Variants in EPS15L1 observed in about 807,000 individuals in gnomAD.
EPS15L1 encodes epidermal growth factor receptor substrate 15-like 1.
A neutral mutation model predicts 117.1 loss-of-function variants in EPS15L1; 43 were observed. The observed-to-expected ratio is 0.37, with a 90% CI of 0.29 to 0.47. The LOEUF (loss-of-function observed/expected upper bound fraction) is 0.47, where lower values mean the gene tolerates loss of function less well. Among genes scored for constraint, EPS15L1 ranks in the 20% least tolerant of loss-of-function variants. The pLI, the probability that EPS15L1 is intolerant of heterozygous loss-of-function variation, is 0.99. For synonymous variants in EPS15L1, 459 were observed against 470.5 expected (o/e 0.98, Z 0.32); for missense variants, 981 against 1,164.0 (o/e 0.84, Z 2.29).
At chr19:16,391,937 TG>T (rs113915959) in intron 19 of EPS15L1, among the ~76,000 whole-genome samples, 7 of 151,908 alleles carry the variant, frequency 4.6e-5, no homozygotes, top group African/African-American at 1.7e-4. Context: ...GTGGTGCTTG[TG>T]TGATTTAGTC....
chr19:16,440,766 C>T lies in EPS15L1; in HGVS notation c.213+96G>A, dbSNP rs752557108. The T allele has an allele frequency of 3.6e-6, 4 of 1,106,352 alleles. No individual in the cohort carries two copies. In the African/African-American group the frequency reaches 4.6e-5, roughly 13 times the overall value. The allele number at this position is 1,106,352 out of a possible 1,614,324, so 68.5% of individuals were successfully genotyped here. A position where few individuals can be genotyped will look rare whatever the true frequency, so the allele number is the denominator to read the frequency against. ...ACAGCCGTGCTCATGCCTAGTAATA[C>T]TTGACAGTGGAGGAATGTGGAAGGA... On this transcript the variant is annotated intron_variant, in intron 4 of 23. Transcript: ENST00000455140.
chr19:16,393,980 G>A lies in EPS15L1; in HGVS notation c.1937C>T (p.Pro646Leu), dbSNP rs764120479. Residue 646 changes from proline (P) to leucine (L), a missense_variant, in exon 18 of 24, where the codon CCC (proline) becomes CTC (leucine). By Grantham distance (98) the Pro-to-Leu change is moderately conservative. Around this residue, in one of 5 missense-constraint regions of EPS15L1, gnomAD observed 819 missense variants for 949.0 expected, o/e 0.86. Coordinates refer to ENST00000455140, the MANE Select transcript of EPS15L1 (RefSeq NM_001258374.3). ...TGAAGTTGTCTGCTGTTCTGCAAAG[G>A]GGTCATTCTGGAACGGGTCGCCTGG... The part of the protein sequence containing the change: ...PFKGDPFQND[P>L]FAEQQTTSTD... The A allele has an allele frequency of 1.4e-5, 22 of 1,613,968 alleles. No individual in the cohort carries two copies. Among genetic ancestry groups the A allele is most frequent in the Non-Finnish European group, 1.7e-5 (20 of 1,179,980 alleles).
intron 7 of EPS15L1, among the ~76,000 whole-genome samples, chr19:16,429,277 G>A (rs1468862291): frequency 6.6e-6 from 1 of 152,178 alleles, no homozygotes; most frequent in Non-Finnish European, 1.5e-5. Context: ...GAGAAGGCAG[G>A]CAGGCGTGGG....
rs956628331 is a variant in EPS15L1, at chr19:16,355,778, C to T, written c.2660G>A (p.Arg887Gln). The change falls in exon 24 of 24, where the codon CGG (arginine) becomes CAG (glutamine). Residue 887 changes from arginine (R) to glutamine (Q), a missense_variant. Around this residue, in one of 5 missense-constraint regions of EPS15L1, gnomAD observed 819 missense variants for 949.0 expected, o/e 0.86. Coordinates refer to ENST00000455140, the MANE Select transcript of EPS15L1 (RefSeq NM_001258374.3). ...GTCCTCCTGCTCCTGCCGCCGCAGC[C>T]GCGCCAGCCTCTCCTGTTCCGCCTT... ...SEKAEQERLA[R>Q]LRRQEQEDLE... 7 of 1,535,984 alleles carry T rather than the reference C, an allele frequency of 4.6e-6. No homozygotes were observed. The highest frequency in any genetic ancestry group is 6.1e-6 in the Non-Finnish European group (7 of 1,146,864).
rs957659478 is a variant in EPS15L1 at position 16,471,924 on chromosome 19, G to C, written c.22C>G (p.Leu8Val). The C allele has an allele frequency of 7.7e-6, 10 of 1,298,582 alleles. No individual in the cohort carries two copies. Among genetic ancestry groups the C allele is most frequent in the African/African-American group, 4.6e-5 (3 of 64,636 alleles). The allele number at this position is 1,298,582 out of a possible 1,614,324, so 80.4% of individuals were successfully genotyped here. A position where few individuals can be genotyped will look rare whatever the true frequency, so the allele number is the denominator to read the frequency against. MAAPLIP[L>V]SQQIPTGNSL... ...CGCCCGGCCCGTACCTGCTGGGAGA[G>C]GGGGATGAGCGGCGCCGCCATCTTC... Residue 8 changes from leucine to valine, a missense_variant, in exon 1 of 24, where the codon CTC becomes GTC. Physicochemically the swap from Leu to Val is conservative, Grantham distance 32. Around this residue, in one of 5 missense-constraint regions of EPS15L1, gnomAD observed 37 missense variants for 21.2 expected, o/e 1.75. Coordinates refer to ENST00000455140, the MANE Select transcript of EPS15L1 (RefSeq NM_001258374.3). The surrounding 1 kb of genome is among the most constrained non-coding windows in gnomAD (Gnocchi z 4.8).
chr19:16,359,588 C>T (rs2092024610), intron 23 of EPS15L1, among the ~76,000 whole-genome samples: 1 of 152,192 alleles, frequency 6.6e-6, no homozygotes. Context: ...AGGCCGGGCA[C>T]AGGGGCTCAT....
At chr19:16,393,665 A>T (rs1247849077) in intron 18 of EPS15L1, among the ~76,000 whole-genome samples, 1 of 149,832 alleles carries the variant, frequency 6.7e-6, no homozygotes, top group Non-Finnish European at 1.5e-5. Context: ...AAAAAAAATA[A>T]AAAATAAATA....
intron 23 of EPS15L1, among the ~76,000 whole-genome samples, chr19:16,358,602 G>A (rs1260346115): frequency 6.6e-6 from 1 of 152,048 alleles, no homozygotes; most frequent in Non-Finnish European, 1.5e-5. Flanking sequence ...ATTTTCAGAA[G>A]CAAATAAGTG....
In EPS15L1 at chr19:16,446,771, G is replaced by A. The variant is rs140910653; in HGVS notation, c.34-4552C>T. Among the ~76,000 whole-genome samples the A allele has an allele frequency of 3.9e-4, 60 of 152,274 alleles. No homozygotes were observed. The East Asian group carries it at 5.6e-3, about 14-fold the overall frequency. On this transcript the variant is annotated intron_variant, in intron 1 of 23. Coordinates refer to ENST00000455140, the MANE Select transcript of EPS15L1 (RefSeq NM_001258374.3). Reference sequence around the variant, plus strand: ...TGGGAAAATGCACGTCCGTGATGACGTGCTGGAGCATTTTATTAAACAGAA... The same window carrying A: ...TGGGAAAATGCACGTCCGTGATGACATGCTGGAGCATTTTATTAAACAGAA...
chr19:16,470,251 G>A lies in EPS15L1; in HGVS notation c.33+1662C>T, dbSNP rs183535583. ...AAAATACAAAAATTAGCCGGGTGTGGTAGCACGTGCCTGTAGTCCCAGCTA... is the reference window on the plus strand; with the variant it reads ...AAAATACAAAAATTAGCCGGGTGTGATAGCACGTGCCTGTAGTCCCAGCTA... On this transcript the variant is annotated intron_variant, in intron 1 of 23. Coordinates refer to ENST00000455140, the MANE Select transcript of EPS15L1 (RefSeq NM_001258374.3). 6.1e-3 allele frequency among the ~76,000 whole-genome samples: 931 copies of A among 152,230 alleles called. 6 individuals are homozygous for A. Among genetic ancestry groups the A allele is most frequent in the African/African-American group, 0.021 (872 of 41,534 alleles).
In EPS15L1 at chr19:16,421,412, G is replaced by A; in HGVS notation, c.857C>T (p.Thr286Ile). 1 of 1,614,126 alleles carries A rather than the reference G, an allele frequency of 6.2e-7. No homozygotes were observed. The highest frequency in any genetic ancestry group is 1.1e-5 in the South Asian group (1 of 91,086). Reference protein sequence around the residue: ...KMRFDEIFLKTDLDLDGYVSG... With the variant: ...KMRFDEIFLKIDLDLDGYVSG... ...CACGTAGCCATCCAGGTCCAGGTCG[G>A]TCTTCAGGAATATCTCATCAAATCG... is the stretch of plus-strand genomic sequence containing the variant. The change falls in exon 10 of 24, where the codon ACC (threonine) becomes ATC (isoleucine). Residue 286 changes from threonine (T) to isoleucine (I), a missense_variant. Physicochemically the swap from Thr to Ile is moderately conservative, Grantham distance 89. This residue lies in a region of EPS15L1 where 819 missense variants were observed against 949.0 expected (regional missense o/e 0.86). Coordinates refer to ENST00000455140, the MANE Select transcript of EPS15L1 (RefSeq NM_001258374.3).
In EPS15L1 at chr19:16,428,734, C is replaced by T. The variant is rs781541123; in HGVS notation, c.526G>A (p.Asp176Asn). The part of the protein sequence containing the change: ...RVWDLSDIDK[D>N]GHLDRDEFAV... ...AACTCATCTCGATCCAAGTGCCCATCCTTGTCAATGTCACTGAGGTCCCAG... is the reference window on the plus strand; with the variant it reads ...AACTCATCTCGATCCAAGTGCCCATTCTTGTCAATGTCACTGAGGTCCCAG... The change falls in exon 8 of 24, where the codon GAT becomes AAT. Residue 176 changes from aspartate (D) to asparagine (N), a missense_variant. Physicochemically the swap from Asp to Asn is conservative, Grantham distance 23. Coordinates refer to ENST00000455140, the MANE Select transcript of EPS15L1 (RefSeq NM_001258374.3). The T allele has an allele frequency of 1.9e-6, 3 of 1,611,484 alleles. No homozygotes were observed. Among genetic ancestry groups the T allele is most frequent in the Non-Finnish European group, 2.5e-6 (3 of 1,179,228 alleles).
At chr19:16,402,865 G>A (rs548303515) in intron 15 of EPS15L1, among the ~76,000 whole-genome samples, 1 of 152,190 alleles carries the variant, frequency 6.6e-6, no homozygotes, top group African/African-American at 2.4e-5. Context: ...GATGACAGGT[G>A]TAAGGCACTG....
chr19:16,450,477 CTTTTTTTTTTTT>C lies in EPS15L1; in HGVS notation c.34-8270_34-8259del, dbSNP rs768287701. On this transcript the variant is annotated intron_variant, in intron 1 of 23. Transcript: ENST00000455140. ...CGTGAGCCCCAGGCATGTCCATCTT[CTTTTTTTTTTTT>C]TTTTTTTTTGAGACGGAGTCTCACT... is the stretch of plus-strand genomic sequence containing the variant. 6.6e-4 allele frequency among the ~76,000 whole-genome samples: 71 copies of C among 108,174 alleles called. No homozygotes were observed. The East Asian group carries it at 0.016, about 24-fold the overall frequency. The allele number at this position is 108,174 out of a possible 152,430, so 71.0% of individuals were successfully genotyped here. A position where few individuals can be genotyped will look rare whatever the true frequency, so the allele number is the denominator to read the frequency against.
chr19:16,471,877 AC>A lies in EPS15L1; in HGVS notation c.33+35del, dbSNP rs1306387408. On this transcript the variant is annotated intron_variant, in intron 1 of 23. Coordinates refer to ENST00000455140, the MANE Select transcript of EPS15L1 (RefSeq NM_001258374.3). The surrounding 1 kb of genome is among the most constrained non-coding windows in gnomAD (Gnocchi z 4.8). ...CCGCACCGCTCGCCTCGCGCCCCGC[AC>A]CCCGGCGCCGCCCCCAGGCCCGCCC... 8.0e-7 allele frequency: 1 copy of A among 1,251,532 alleles called. No individual in the cohort carries two copies. Among genetic ancestry groups the A allele is most frequent in the Non-Finnish European group, 1.0e-6 (1 of 978,474 alleles). The allele number at this position is 1,251,532 out of a possible 1,614,324, so 77.5% of individuals were successfully genotyped here.
At position 16,365,990 on chromosome 19, in the gene EPS15L1, G is replaced by A. The variant is rs768418616; in HGVS notation, c.2381-4006C>T. Among the ~76,000 whole-genome samples, 3 of 152,204 alleles carry A rather than the reference G, an allele frequency of 2.0e-5. No individual in the cohort carries two copies. The highest frequency in any genetic ancestry group is 4.4e-5 in the Non-Finnish European group (3 of 68,038). ...CCTGGGGAGCGAGAAGGGAATAAAG[G>A]CATCTGCCCTTCCTGGTTTGCAGGA... On this transcript the variant is annotated intron_variant, in intron 22 of 23. Transcript: ENST00000455140. The surrounding 1 kb of genome is among the most constrained non-coding windows in gnomAD (Gnocchi z 4.9).
intron 6 of EPS15L1, 65 bp downstream of exon 6, chr19:16,436,872 G>T: frequency 7.7e-7 from 1 of 1,301,494 alleles, no homozygotes; most frequent in South Asian, 1.2e-5. Context: ...AACAATTCTA[G>T]AACAACTGCT....
intron 9 of EPS15L1, 80 bp downstream of exon 9, chr19:16,425,003 C>T (rs2092855105): frequency 3.3e-6 from 4 of 1,219,160 alleles, no homozygotes; most frequent in Non-Finnish European, 4.9e-6. Context: ...CTTGACCGTT[C>T]TGGGGTTGCA....
intron 17 of EPS15L1, among the ~76,000 whole-genome samples, chr19:16,394,914 G>C (rs1389180957): frequency 6.6e-6 from 1 of 152,064 alleles, no homozygotes; most frequent in East Asian, 1.9e-4. Flanking sequence ...AACAGGGTGA[G>C]ATAAGAAGCT....
Sources: allele counts gnomAD v4.1 joint callset (sites outside exome capture counted in the v4.1 genomes callset), GRCh38; gene constraint gnomAD v4.1.1; regional missense constraint gnomAD v4.1.1; non-coding constraint Gnocchi (gnomAD v3.1); transcripts MANE v1.5; gene names NCBI Gene and HGNC (gene_info 2026-07-23, HGNC 2026-07-21).